CCDC102B: variants seen among roughly 807,000 people sequenced by gnomAD.
CCDC102B encodes coiled-coil domain containing 102B.
CCDC102B carries 75 observed loss-of-function variants against 57.4 expected under a neutral mutation model. The ratio of observed to expected loss-of-function variants is 1.31; its 90% CI spans 1.08 to 1.58. CCDC102B has a LOEUF of 1.58. Ranked by LOEUF, CCDC102B falls within the 40% of genes most tolerant of loss-of-function variation. The pLI is 0.00. For synonymous variants in CCDC102B, 206 were observed against 201.9 expected (o/e 1.02, Z -0.17); for missense variants, 636 against 582.6 (o/e 1.09, Z -0.94).
intron 4 of CCDC102B, among the ~76,000 whole-genome samples, chr18:68,863,285 A>T (rs1568297185): frequency 6.6e-6 from 1 of 151,882 alleles, no homozygotes; most frequent in African/African-American, 2.4e-5. Flanking sequence ...GCAATGCCCT[A>T]TACTGTAGTA....
At chr18:68,943,653 T>G (rs948465859) in intron 6 of CCDC102B, among the ~76,000 whole-genome samples, 1 of 152,034 alleles carries the variant, frequency 6.6e-6, no homozygotes, top group African/African-American at 2.4e-5. Context: ...TCACAGAGAT[T>G]TACACATCCA....
chr18:68,805,624 T>C (rs899212438), intron 1 of CCDC102B, among the ~76,000 whole-genome samples: 20 of 152,066 alleles, frequency 1.3e-4, no homozygotes, highest in African/African-American at 4.8e-4. Flanking sequence ...AAGAGAGTTA[T>C]GGGGACAATA....
At chr18:68,848,809 G>A (rs1473379170) in intron 4 of CCDC102B, among the ~76,000 whole-genome samples, 3 of 151,852 alleles carry the variant, frequency 2.0e-5, no homozygotes, top group African/African-American at 4.8e-5. Context: ...CATAATTCTG[G>A]CACCTCATTT....
intron 2 of CCDC102B, among the ~76,000 whole-genome samples, chr18:68,786,305 T>TG (rs1356628018): frequency 6.6e-6 from 1 of 151,128 alleles, no homozygotes; most frequent in African/African-American, 2.4e-5. Context: ...GACTTGGCAA[T>TG]GCGGGCTCTT....
chr18:68,892,768 A>T (rs1234366200), intron 5 of CCDC102B, among the ~76,000 whole-genome samples: 3 of 152,224 alleles, frequency 2.0e-5, no homozygotes, highest in African/African-American at 4.8e-5. Flanking sequence ...TAGCAAATAA[A>T]TTCAATGTAA....
At chr18:68,879,132 G>A (rs1383863376) in intron 5 of CCDC102B, among the ~76,000 whole-genome samples, 3 of 151,334 alleles carry the variant, frequency 2.0e-5, no homozygotes, top group East Asian at 3.9e-4. Flanking sequence ...TCGTGGTCTC[G>A]CTGGTTTCAG....
chr18:68,942,061 G>C (rs945317648), intron 6 of CCDC102B, among the ~76,000 whole-genome samples: 1 of 152,008 alleles, frequency 6.6e-6, no homozygotes, highest in Non-Finnish European at 1.5e-5. Context: ...CAAATACACA[G>C]TCATAATGGA....
At chr18:68,984,907 T>G (rs1235176105) in intron 6 of CCDC102B, among the ~76,000 whole-genome samples, 1 of 152,192 alleles carries the variant, frequency 6.6e-6, no homozygotes, top group Non-Finnish European at 1.5e-5. Context: ...GATTTATGGA[T>G]GTAAAGACCA....
intron 4 of CCDC102B, among the ~76,000 whole-genome samples, chr18:68,857,859 G>T (rs939481554): frequency 1.3e-5 from 2 of 152,064 alleles, no homozygotes; most frequent in African/African-American, 4.8e-5. Context: ...TTTTGTCCCT[G>T]TGCACAATTT....
intron 2 of CCDC102B, among the ~76,000 whole-genome samples, chr18:68,789,342 C>A (rs1381360924): frequency 6.6e-6 from 1 of 151,928 alleles, no homozygotes; most frequent in Non-Finnish European, 1.5e-5. Context: ...ATCTTTGTGG[C>A]GTTCTCTGTA....
chr18:68,764,255 A>G (rs536065004), intron 2 of CCDC102B, among the ~76,000 whole-genome samples: 26 of 152,222 alleles, frequency 1.7e-4, no homozygotes, highest in African/African-American at 6.0e-4. Flanking sequence ...TAACACTACT[A>G]TGATTACTAA....
At chr18:68,990,713 A>G (rs1045777219) in intron 6 of CCDC102B, among the ~76,000 whole-genome samples, 3 of 152,160 alleles carry the variant, frequency 2.0e-5, no homozygotes, top group Admixed American at 1.3e-4. Flanking sequence ...TATTTATTCA[A>G]TTAGGCCCCA....
At chr18:68,727,567 T>C (rs575033097) in intron 2 of CCDC102B, among the ~76,000 whole-genome samples, 1 of 152,346 alleles carries the variant, frequency 6.6e-6, no homozygotes, top group South Asian at 2.1e-4. Flanking sequence ...CATGAGCAAG[T>C]GGCCTTTTTC....
intron 2 of CCDC102B, chr18:68,718,021 A>G (rs920721954): frequency 2.4e-4 from 36 of 152,452 alleles, no homozygotes; most frequent in African/African-American, 8.7e-4. Flanking sequence ...AAAACACAAC[A>G]AGAAGGTACC....
At chr18:68,936,113 G>A (rs960383418) in intron 6 of CCDC102B, among the ~76,000 whole-genome samples, 2 of 151,770 alleles carry the variant, frequency 1.3e-5, no homozygotes, top group Admixed American at 6.6e-5. Context: ...TTATCTAAAG[G>A]CTCTGTGTAT....
At chr18:68,928,440 G>A (rs1044483347) in intron 6 of CCDC102B, among the ~76,000 whole-genome samples, 1 of 151,892 alleles carries the variant, frequency 6.6e-6, no homozygotes, top group African/African-American at 2.4e-5. Flanking sequence ...AAAAGGAAAA[G>A]GAGAAAAGCA....
At chr18:68,904,545 A>C (rs1431943532) in intron 6 of CCDC102B, among the ~76,000 whole-genome samples, 1 of 152,214 alleles carries the variant, frequency 6.6e-6, no homozygotes, top group African/African-American at 2.4e-5. Context: ...AAAGAATCAT[A>C]GTTTTAAAGT....
intron 6 of CCDC102B, among the ~76,000 whole-genome samples, chr18:68,915,539 A>C (rs1213395072): frequency 6.6e-6 from 1 of 152,224 alleles, no homozygotes; most frequent in African/African-American, 2.4e-5. Context: ...AAAAAAAGAA[A>C]ATTTGAATTT....
chr18:69,003,368 G>A (rs2051257140), intron 6 of CCDC102B, among the ~76,000 whole-genome samples: 1 of 152,070 alleles, frequency 6.6e-6, no homozygotes, highest in African/African-American at 2.4e-5. Context: ...AGTATCAGGA[G>A]ATTGTCTTAT....
Sources: allele counts gnomAD v4.1 joint callset (sites outside exome capture counted in the v4.1 genomes callset), GRCh38; gene constraint gnomAD v4.1.1; transcripts MANE v1.5; gene names NCBI Gene and HGNC (gene_info 2026-07-23, HGNC 2026-07-21).